SH3TC1: variants seen among roughly 807,000 people sequenced by gnomAD.
SH3TC1 encodes the protein SH3 domain and tetratricopeptide repeat-containing protein 1.
A neutral mutation model predicts 117.3 loss-of-function variants in SH3TC1; 135 were observed. The ratio of observed to expected loss-of-function variants is 1.15; its 90% CI spans 1.00 to 1.33. The LOEUF is 1.33. Among genes scored for constraint, SH3TC1 ranks in the 40% most tolerant of loss-of-function variants. The probability of loss-of-function intolerance (pLI) is 0.00; values close to 1 mark genes in which losing one functional copy is unlikely to be tolerated. For synonymous variants in SH3TC1, 898 were observed against 816.9 expected, an observed-to-expected ratio of 1.10 and a Z score of -1.69; for missense variants, 2,092 against 1,794.3, an observed-to-expected ratio of 1.17 and a Z score of -3.00.
intron 4 of SH3TC1, 149 bp downstream of exon 4, chr4:8,212,977 C>T: frequency 2.8e-6 from 3 of 1,069,600 alleles, no homozygotes; most frequent in Non-Finnish European, 3.9e-6. Flanking sequence ...GGAGGGGCGG[C>T]TGTGATACCC....
In SH3TC1 at chr4:8,217,143, C is replaced by CG. The variant is rs1561694256; in HGVS notation, c.817dup (p.Glu273GlyfsTer12). 1 of 1,611,034 alleles carries CG rather than the reference C, an allele frequency of 6.2e-7. No homozygotes were observed. The highest frequency in any genetic ancestry group is 2.2e-5 in the East Asian group (1 of 44,766). ...GAGGAGGTGGCAGTGGCGGCCGCCC[C>CG]GGAGCCTTTGATTCCATTTCATCAG... On this transcript the variant is annotated frameshift_variant, in exon 7 of 18. Transcript: ENST00000245105. LOFTEE classifies it high-confidence loss of function.
At chr4:8,230,875 G>C (rs1721133749) in intron 12 of SH3TC1, among the ~76,000 whole-genome samples, 1 of 151,340 alleles carries the variant, frequency 6.6e-6, no homozygotes, top group Non-Finnish European at 1.5e-5. Flanking sequence ...CTCTACCCGG[G>C]TTCAAGCCAT....
chr4:8,221,839 C>T (rs531501515), intron 9 of SH3TC1, among the ~76,000 whole-genome samples: 13 of 152,260 alleles, frequency 8.5e-5, no homozygotes, highest in South Asian at 6.2e-4. Context: ...TCTATTCAGA[C>T]GTCATGTCTT....
Position 8,227,191 on chromosome 4 carries a change from G to C in SH3TC1, c.1497G>C (p.Leu499=). 1.3e-6 allele frequency: 2 copies of C among 1,576,500 alleles called. No individual in the cohort carries two copies. Among genetic ancestry groups the C allele is most frequent in the African/African-American group, 1.4e-5 (1 of 74,054 alleles). ...ACGACTGGGAGGACCCAGAGGCCCT[G>C]AGCTCACTGCTGCTGTTCCTGAACG... ...AEDDWEDPEA[L]SSLLLFLNAP... The change falls in exon 12 of 18, where the codon CTG becomes CTC. Residue 499 remains leucine, a synonymous_variant. Coordinates refer to ENST00000245105, the MANE Select transcript of SH3TC1 (RefSeq NM_018986.5).
intron 8 of SH3TC1, among the ~76,000 whole-genome samples, chr4:8,218,929 T>C (rs913770392): frequency 3.9e-5 from 6 of 151,924 alleles, no homozygotes; most frequent in Non-Finnish European, 8.8e-5. Flanking sequence ...GGTGTCTGGG[T>C]GGCCTGTGCA....
intron 16 of SH3TC1, 176 bp from the exon 17 acceptor site, chr4:8,237,298 C>CA: frequency 1.8e-6 from 1 of 544,370 alleles, no homozygotes; most frequent in Admixed American, 3.9e-5. Flanking sequence ...TAGATGGGGG[C>CA]AGGCCTTATT....
rs780255874 is a variant in SH3TC1, at chr4:8,227,552, T to A, written c.1858T>A (p.Cys620Ser). 3.9e-6 allele frequency: 6 copies of A among 1,524,402 alleles called. No homozygotes were observed. The highest frequency in any genetic ancestry group is 5.3e-6 in the Non-Finnish European group (6 of 1,138,750). The allele number at this position is 1,524,402 out of a possible 1,614,324, so 94.4% of individuals were successfully genotyped here. ...CCGGAAGCAGAAGAACCGGGAGAAG[T>A]GTGCACAGGTGGTGCCCAAAGCCAT... ...IYRKQKNREK[C>S]AQVVPKAMAL... Residue 620 changes from cysteine to serine, a missense_variant, in exon 12 of 18, where the codon TGT (cysteine) becomes AGT (serine). Transcript: ENST00000245105.
Position 8,217,054 on chromosome 4 carries a change from G to A in SH3TC1, c.726G>A (p.Gly242=), listed in dbSNP as rs1719358184. Residue 242 remains glycine, a synonymous_variant, in exon 7 of 18, where the codon GGG becomes GGA. Transcript: ENST00000245105. Reference sequence around the variant, plus strand: ...CCCAGGCCCTCAGGCAGGCTTCGGGGGCACCCCAGGGAGAGGCGGCCCCGG... The same window carrying A: ...CCCAGGCCCTCAGGCAGGCTTCGGGAGCACCCCAGGGAGAGGCGGCCCCGG... ...NGPQALRQAS[G]APQGEAAPET... 1 of 1,612,992 alleles carries A rather than the reference G, an allele frequency of 6.2e-7. No individual in the cohort carries two copies. The highest frequency in any genetic ancestry group is 1.3e-5 in the African/African-American group (1 of 74,934).
At chr4:8,185,020 T>C (rs1717181287) in intron 1 of SH3TC1, among the ~76,000 whole-genome samples, 1 of 144,012 alleles carries the variant, frequency 6.9e-6, no homozygotes, top group Non-Finnish European at 1.5e-5. Flanking sequence ...GGTTTGTTCT[T>C]TTTTTTTTTT....
Position 8,213,037 on chromosome 4 carries a change from T to A in SH3TC1, c.375+209T>A, listed in dbSNP as rs911933886. 13 of 624,862 alleles carry A rather than the reference T, an allele frequency of 2.1e-5. No homozygotes were observed. The African/African-American group carries it at 2.5e-4, about 12-fold the overall frequency. 38.7% of individuals were successfully genotyped at this position (624,862 alleles called of 1,614,324 possible). On this transcript the variant is annotated intron_variant, in intron 4 of 17. Transcript: ENST00000245105. ...CCCACTTGCTTTGTGGAGGGCACTGTGATCGTCCCTCTGCTCTCCCACAGC... is the reference window on the plus strand; with the variant it reads ...CCCACTTGCTTTGTGGAGGGCACTGAGATCGTCCCTCTGCTCTCCCACAGC...
intron 12 of SH3TC1, among the ~76,000 whole-genome samples, chr4:8,230,019 G>A (rs1261775260): frequency 6.9e-6 from 1 of 145,266 alleles, no homozygotes; most frequent in Non-Finnish European, 1.6e-5. Context: ...GAGACCGGGG[G>A]CCAGGGGACG....
chr4:8,237,339 TG>T, intron 16 of SH3TC1, 134 bp from the exon 17 acceptor site: 1 of 667,142 alleles, frequency 1.5e-6, no homozygotes, highest in Non-Finnish European at 2.4e-6. Context: ...AAAGTGAGTC[TG>T]GGAGCTGGGA....
At chr4:8,216,632 A>T (rs1273780829) in intron 6 of SH3TC1, among the ~76,000 whole-genome samples, 1 of 152,066 alleles carries the variant, frequency 6.6e-6, no homozygotes, top group South Asian at 2.1e-4. Context: ...GCCTGCCAGC[A>T]GTGGCTGGGG....
At position 8,241,071 on chromosome 4, in the gene SH3TC1, C is replaced by A; in HGVS notation, c.*116C>A. 1.5e-6 allele frequency: 2 copies of A among 1,373,076 alleles called. No individual in the cohort carries two copies. The highest frequency in any genetic ancestry group is 9.7e-7 in the Non-Finnish European group (1 of 1,026,250). 85.1% of individuals were successfully genotyped at this position (1,373,076 alleles called of 1,614,324 possible). A position where few individuals can be genotyped will look rare whatever the true frequency, so the allele number is the denominator to read the frequency against. On this transcript the variant is annotated 3_prime_UTR_variant, in exon 18 of 18. Coordinates refer to ENST00000245105, the MANE Select transcript of SH3TC1 (RefSeq NM_018986.5). ...AGGCACGAACGCAGGGGCCAAATAG[C>A]AATAAATGGGTTTTGTTTTTTTTTT...
At chr4:8,191,959 AT>A (rs1717429176) in intron 1 of SH3TC1, among the ~76,000 whole-genome samples, 2 of 150 alleles carry the variant, frequency 0.013, no homozygotes, top group Non-Finnish European at 0.14. Flanking sequence ...TCTGAGTTAC[AT>A]TTATTTATTT....
intron 4 of SH3TC1, 49 bp from the exon 5 acceptor site, chr4:8,214,426 G>A (rs1245864142): frequency 1.3e-6 from 2 of 1,540,198 alleles, no homozygotes; most frequent in South Asian, 2.2e-5. Flanking sequence ...CCTGACAGAT[G>A]CCCCAGAGCT....
At position 8,217,142 on chromosome 4, in the gene SH3TC1, C is replaced by G; in HGVS notation, c.814C>G (p.Pro272Ala). ...CGAGGAGGTGGCAGTGGCGGCCGCC[C>G]CGGAGCCTTTGATTCCATTTCATCA... ...SSEEVAVAAA[P>A]EPLIPFHQWA... Residue 272 changes from proline to alanine, a missense_variant, in exon 7 of 18, where the codon CCG (proline) becomes GCG (alanine). By Grantham distance (27) the Pro-to-Ala change is conservative. Transcript: ENST00000245105. The G allele has an allele frequency of 6.2e-7, 1 of 1,611,410 alleles. No homozygotes were observed. Among genetic ancestry groups the G allele is most frequent in the Non-Finnish European group, 8.5e-7 (1 of 1,179,038 alleles).
rs954002300 is a variant in SH3TC1 at position 8,190,059 on chromosome 4, G to T, written c.-57+7849G>T. On this transcript the variant is annotated intron_variant, in intron 1 of 16. Transcript: ENST00000508641. This position sits in a 1 kb window ranked among gnomAD's most constrained non-coding sequence, Gnocchi z 4.7. ...GGGTGCGTTGATGCGAGGCCAGGAA[G>T]TAGGGCCTGGAAAGTAGCACTTGAG... 2.6e-5 allele frequency among the ~76,000 whole-genome samples: 4 copies of T among 152,220 alleles called. No homozygotes were observed. Among genetic ancestry groups the T allele is most frequent in the Non-Finnish European group, 1.5e-5 (1 of 68,036 alleles).
rs1266504136 is a variant in SH3TC1 at position 8,225,389 on chromosome 4, C to T, written c.1285+173C>T. Among the ~76,000 whole-genome samples the T allele has an allele frequency of 6.6e-6, 1 of 152,166 alleles. No homozygotes were observed. The highest frequency in any genetic ancestry group is 1.5e-5 in the Non-Finnish European group (1 of 68,026). ...CTGAGGTGGGCCTGAACCTCCCGTC[C>T]ACTGTGGCACTGGAGGCCGTGGGGT... is the stretch of plus-strand genomic sequence containing the variant. On this transcript the variant is annotated intron_variant, in intron 11 of 17. Coordinates refer to ENST00000245105, the MANE Select transcript of SH3TC1 (RefSeq NM_018986.5). This position sits in a 1 kb window ranked among gnomAD's most constrained non-coding sequence, Gnocchi z 5.5.
Sources: gnomAD v4.1 joint callset for allele counts (sites outside exome capture counted in the v4.1 genomes callset) on GRCh38, gnomAD v4.1.1 for gene constraint, Gnocchi (gnomAD v3.1) non-coding constraint, MANE v1.5 for transcripts, NCBI Gene and HGNC (gene_info 2026-07-23, HGNC 2026-07-21) for gene names.